Variants in SNTG1 observed in about 807,000 individuals in gnomAD.
SNTG1 encodes syntrophin gamma 1.
A neutral mutation model predicts 74.7 loss-of-function variants in SNTG1; 39 were observed. That is an observed-to-expected ratio of 0.52 (90% CI 0.40 to 0.68). The LOEUF (loss-of-function observed/expected upper bound fraction) is 0.68. Among genes scored for constraint, SNTG1 ranks in the 30% least tolerant of loss-of-function variants. The pLI is 0.00. For synonymous variants in SNTG1, 254 were observed against 217.1 expected (o/e 1.17, Z -1.49); for missense variants, 685 against 609.5 (o/e 1.12, Z -1.30).
At chr8:49,996,639 T>G (rs1209717927) in intron 1 of SNTG1, among the ~76,000 whole-genome samples, 1 of 152,172 alleles carries the variant, frequency 6.6e-6, no homozygotes, top group Non-Finnish European at 1.5e-5. Context: ...CCAGTCCAAA[T>G]GTTTATTTAC....
At chr8:50,347,154 T>C (rs1482821423) in intron 2 of SNTG1, among the ~76,000 whole-genome samples, 1 of 152,196 alleles carries the variant, frequency 6.6e-6, no homozygotes, top group Admixed American at 6.5e-5. Context: ...CTTCAAAGCT[T>C]CAAAAGACAC....
chr8:50,633,639 C>T (rs1231490924), intron 13 of SNTG1, among the ~76,000 whole-genome samples: 1 of 152,176 alleles, frequency 6.6e-6, no homozygotes, highest in South Asian at 2.1e-4. Flanking sequence ...TTGAGGTGGG[C>T]TGTGCACTAA....
At chr8:50,138,140 A>T (rs766790484) in intron 1 of SNTG1, among the ~76,000 whole-genome samples, 14 of 152,134 alleles carry the variant, frequency 9.2e-5, no homozygotes, top group Admixed American at 5.2e-4. Flanking sequence ...TAAAAATGAC[A>T]TTAGTGTGAG....
intron 18 of SNTG1, among the ~76,000 whole-genome samples, chr8:50,775,363 A>AT (rs897192135): frequency 1.3e-5 from 2 of 151,560 alleles, no homozygotes; most frequent in South Asian, 2.1e-4. Flanking sequence ...AGTTCAATGT[A>AT]TTTTTTTATT....
chr8:50,568,296 C>A (rs959034481), intron 12 of SNTG1, among the ~76,000 whole-genome samples: 1 of 150,766 alleles, frequency 6.6e-6, no homozygotes, highest in Admixed American at 6.7e-5. Flanking sequence ...GTGAATAGTG[C>A]TGCAATAAAC....
intron 8 of SNTG1, among the ~76,000 whole-genome samples, chr8:50,459,442 G>A (rs538747261): frequency 1.5e-4 from 23 of 151,898 alleles, no homozygotes; most frequent in African/African-American, 5.1e-4. Context: ...TAAAATATTC[G>A]AATATATATT....
chr8:50,398,194 A>G (rs2092752789), intron 3 of SNTG1, among the ~76,000 whole-genome samples: 1 of 152,156 alleles, frequency 6.6e-6, no homozygotes, highest in African/African-American at 2.4e-5. Flanking sequence ...TCCATCTTCT[A>G]CTCTGCTACA....
At position 50,104,635 on chromosome 8, in the gene SNTG1, A is replaced by G. The variant is rs568642981; in HGVS notation, c.-102-67926A>G. 7.2e-5 allele frequency among the ~76,000 whole-genome samples: 11 copies of G among 151,804 alleles called. 1 individual carries two copies. The highest frequency in any genetic ancestry group is 2.4e-4 in the African/African-American group (10 of 41,396). ...GAATGTGTTTGCTCTTGCTTTTCTA[A>G]TTCTTTTCATTGTGATGTTACGGTG... On this transcript the variant is annotated intron_variant, in intron 1 of 18. Coordinates refer to ENST00000642720, the MANE Select transcript of SNTG1 (RefSeq NM_018967.5).
chr8:50,340,698 A>T (rs1048664774), intron 2 of SNTG1, among the ~76,000 whole-genome samples: 2 of 151,958 alleles, frequency 1.3e-5, no homozygotes, highest in African/African-American at 4.8e-5. Flanking sequence ...CCAAAGCATG[A>T]TCTATGAAAG....
chr8:50,405,011 T>G (rs920549092), intron 4 of SNTG1, among the ~76,000 whole-genome samples: 3 of 152,088 alleles, frequency 2.0e-5, no homozygotes, highest in Non-Finnish European at 4.4e-5. Flanking sequence ...CTGAATAATA[T>G]TCCATTGTGT....
intron 1 of SNTG1, among the ~76,000 whole-genome samples, chr8:50,130,236 A>G (rs959872558): frequency 1.3e-5 from 2 of 152,154 alleles, no homozygotes; most frequent in South Asian, 4.1e-4. Flanking sequence ...TGAAACCAAG[A>G]TAAGTTAAGG....
chr8:50,056,347 A>G (rs1257611206), intron 1 of SNTG1, among the ~76,000 whole-genome samples: 1 of 152,124 alleles, frequency 6.6e-6, no homozygotes, highest in Non-Finnish European at 1.5e-5. Context: ...CTTTGTCTGA[A>G]AGAGAAGAGC....
chr8:50,053,878 T>G (rs1013938414), intron 1 of SNTG1, among the ~76,000 whole-genome samples: 1 of 151,960 alleles, frequency 6.6e-6, no homozygotes, highest in African/African-American at 2.4e-5. Context: ...AATCCATATT[T>G]CCTTTTTCAA....
At chr8:50,652,064 G>T (rs1330138286) in intron 13 of SNTG1, among the ~76,000 whole-genome samples, 1 of 151,980 alleles carries the variant, frequency 6.6e-6, no homozygotes, top group Non-Finnish European at 1.5e-5. Flanking sequence ...CTTCATTTTT[G>T]ATTTCTCCTT....
chr8:50,390,911 C>T, intron 2 of SNTG1, among the ~76,000 whole-genome samples: 1 of 152,100 alleles, frequency 6.6e-6, no homozygotes, highest in East Asian at 1.9e-4. Context: ...GATTTTTGCA[C>T]ATTGATTTTG....
chr8:50,571,236 C>G (rs149641302), intron 12 of SNTG1, among the ~76,000 whole-genome samples: 2 of 152,294 alleles, frequency 1.3e-5, no homozygotes, highest in African/African-American at 4.8e-5. Context: ...CTGCTATCTC[C>G]TTCAGTGCCT....
intron 2 of SNTG1, among the ~76,000 whole-genome samples, chr8:50,314,582 G>A (rs907571201): frequency 6.7e-6 from 1 of 149,736 alleles, no homozygotes; most frequent in East Asian, 2.0e-4. Context: ...ATATTGGGAG[G>A]TATAGATGGA....
intron 1 of SNTG1, among the ~76,000 whole-genome samples, chr8:50,156,285 A>G (rs1034049640): frequency 1.3e-5 from 2 of 152,116 alleles, no homozygotes; most frequent in African/African-American, 4.8e-5. Flanking sequence ...CGAAATCAGT[A>G]TGGCCCTGAA....
intron 13 of SNTG1, among the ~76,000 whole-genome samples, chr8:50,628,926 C>T (rs1232718106): frequency 1.3e-5 from 2 of 152,124 alleles, no homozygotes; most frequent in Non-Finnish European, 2.9e-5. Flanking sequence ...CTAGTGAATT[C>T]GTCTCTTGCT....
Sources: allele counts gnomAD v4.1 joint callset (sites outside exome capture counted in the v4.1 genomes callset), GRCh38; gene constraint gnomAD v4.1.1; transcripts MANE v1.5; gene names NCBI Gene and HGNC (gene_info 2026-07-23, HGNC 2026-07-21).